RPN2: variants seen among roughly 807,000 people sequenced by gnomAD.
The protein encoded by RPN2 is ribophorin II.
In RPN2, 29 loss-of-function variants were observed where a neutral mutation model predicts 71.4. The ratio of observed to expected loss-of-function variants is 0.41; its 90% confidence interval spans 0.30 to 0.55. The LOEUF is 0.55. Ranked by LOEUF, RPN2 falls within the 20% of genes least tolerant of loss-of-function variation. RPN2 has a pLI of 0.35. For missense variants in RPN2, 726 were observed against 774.1 expected (o/e 0.94, Z 0.74); for synonymous variants, 308 against 305.0 (o/e 1.01, Z -0.10).
chr20:37,234,454 C>G (rs554758663), intron 15 of RPN2, among the ~76,000 whole-genome samples: 2 of 152,228 alleles, frequency 1.3e-5, no homozygotes, highest in Non-Finnish European at 2.9e-5. Flanking sequence ...TCTTTCCCCA[C>G]GCTATCGATC....
intron 2 of RPN2, 70 bp downstream of exon 2, chr20:37,184,443 G>A (rs2066961806): frequency 7.6e-7 from 1 of 1,307,412 alleles, no homozygotes; most frequent in Non-Finnish European, 1.1e-6. Context: ...ATATTCCTTT[G>A]GGGTAGTTCA....
At position 37,236,703 on chromosome 20, in the gene RPN2, T is replaced by G; in HGVS notation, c.1877T>G (p.Val626Gly). The change falls in exon 16 of 17, where the codon GTC (valine) becomes GGC (glycine). Residue 626 changes from valine (V) to glycine (G), a missense_variant. Coordinates refer to ENST00000237530, the MANE Select transcript of RPN2 (RefSeq NM_002951.5). ...AATCGGATGCTGGCCCAGCAGGCAGTCAAGAGGTAAGGCCAGACATGAGCC... is the reference window on the plus strand; with the variant it reads ...AATCGGATGCTGGCCCAGCAGGCAGGCAAGAGGTAAGGCCAGACATGAGCC... ...AGNRMLAQQA[V>G]KRTAH The G allele has an allele frequency of 6.2e-7, 1 of 1,614,082 alleles. No individual in the cohort carries two copies.
intron 8 of RPN2, 111 bp downstream of exon 8, chr20:37,210,276 G>A: frequency 1.9e-6 from 3 of 1,577,114 alleles, no homozygotes; most frequent in Middle Eastern, 1.7e-4. Context: ...TGATCTACTG[G>A]TATCGAAAGC....
chr20:37,223,026 G>T (rs1568991059), intron 9 of RPN2, among the ~76,000 whole-genome samples: 1 of 152,202 alleles, frequency 6.6e-6, no homozygotes. Context: ...TTCTTTAGGT[G>T]GTCAACTGGA....
chr20:37,213,698 G>A, intron 8 of RPN2, 62 bp from the exon 9 acceptor site: 1 of 1,290,544 alleles, frequency 7.7e-7, no homozygotes, highest in Non-Finnish European at 1.1e-6. Flanking sequence ...TGTAGCTCCT[G>A]TTTGTTATAT....
At chr20:37,229,861 G>T in intron 12 of RPN2, 112 bp from the exon 13 acceptor site, 1 of 830,106 alleles carries the variant, frequency 1.2e-6, no homozygotes. Flanking sequence ...GATTGGGACT[G>T]CCTGGAGCTT....
intron 9 of RPN2, among the ~76,000 whole-genome samples, chr20:37,215,556 C>T (rs1027320481): frequency 1.3e-5 from 2 of 151,954 alleles, no homozygotes; most frequent in Non-Finnish European, 2.9e-5. Context: ...CTTGAAACCT[C>T]TTCTTCCCTG....
chr20:37,230,159 A>G, intron 13 of RPN2, 100 bp downstream of exon 13: 5 of 956,360 alleles, frequency 5.2e-6, no homozygotes, highest in Non-Finnish European at 8.6e-6. Context: ...GTGATGTTTT[A>G]TAGTTTGATC....
At chr20:37,213,254 GTAACAAA>G (rs780511404) in intron 8 of RPN2, among the ~76,000 whole-genome samples, 1 of 152,182 alleles carries the variant, frequency 6.6e-6, no homozygotes, top group Non-Finnish European at 1.5e-5. Flanking sequence ...AGTGGTGGGA[GTAACAAA>G]GGAAAAGAAA....
At chr20:37,209,981 C>T in intron 7 of RPN2, 66 bp from the exon 8 acceptor site, 1 of 1,600,210 alleles carries the variant, frequency 6.2e-7, no homozygotes, top group African/African-American at 1.3e-5. Flanking sequence ...GATAAAGCAC[C>T]CCAGAAACAA....
At chr20:37,195,430 G>A (rs2067233986) in intron 2 of RPN2, among the ~76,000 whole-genome samples, 1 of 152,238 alleles carries the variant, frequency 6.6e-6, no homozygotes, top group African/African-American at 2.4e-5. Flanking sequence ...TTATAGCTCA[G>A]ACACCAGAGC....
chr20:37,232,473 G>A, intron 14 of RPN2, 82 bp downstream of exon 14: 1 of 1,527,534 alleles, frequency 6.5e-7, no homozygotes. Flanking sequence ...AGGCTGTGTT[G>A]TCTGGCCTCA....
intron 2 of RPN2, among the ~76,000 whole-genome samples, chr20:37,197,222 G>C (rs2067274863): frequency 6.6e-6 from 1 of 152,216 alleles, no homozygotes; most frequent in African/African-American, 2.4e-5. Context: ...TGCTGTGTCA[G>C]AAGTTGGATC....
intron 1 of RPN2, among the ~76,000 whole-genome samples, chr20:37,179,819 G>T (rs1007802251): frequency 5.3e-5 from 8 of 152,210 alleles, no homozygotes; most frequent in Non-Finnish European, 1.0e-4. Context: ...TTCTCTCTGG[G>T]AGCCTGGAGC....
At chr20:37,229,019 C>G (rs2068160758) in intron 12 of RPN2, among the ~76,000 whole-genome samples, 1 of 152,158 alleles carries the variant, frequency 6.6e-6, no homozygotes, top group Non-Finnish European at 1.5e-5. Flanking sequence ...AAACATTATA[C>G]AGGAAGGCCG....
chr20:37,190,562 C>T (rs150531780), intron 2 of RPN2, among the ~76,000 whole-genome samples: 4 of 152,138 alleles, frequency 2.6e-5, no homozygotes, highest in Admixed American at 2.0e-4. Flanking sequence ...TGTGGTAATA[C>T]GTAGTATTAC....
At chr20:37,201,014 C>T (rs113141207) in intron 4 of RPN2, among the ~76,000 whole-genome samples, 3,440 of 152,254 alleles carry the variant, frequency 0.023, 53 homozygotes, top group Middle Eastern at 0.034. Flanking sequence ...TATTTCATTC[C>T]TTGTGTCTGA....
At chr20:37,200,705 A>G (rs1434774946) in intron 4 of RPN2, among the ~76,000 whole-genome samples, 1 of 152,002 alleles carries the variant, frequency 6.6e-6, no homozygotes, top group Non-Finnish European at 1.5e-5. Flanking sequence ...TAGGGCTGAC[A>G]TTTTGTACAC....
In RPN2 at chr20:37,207,555, A is replaced by G. The variant is rs1369758088; in HGVS notation, c.867+106A>G. 4.7e-6 allele frequency: 5 copies of G among 1,072,772 alleles called. No individual in the cohort carries two copies. In the African/African-American group the frequency reaches 6.2e-5, roughly 13 times the overall value. 66.5% of individuals were successfully genotyped at this position (1,072,772 alleles called of 1,614,324 possible). A position where few individuals can be genotyped will look rare whatever the true frequency, so the allele number is the denominator to read the frequency against. On this transcript the variant is annotated intron_variant, in intron 7 of 16. Transcript: ENST00000237530. ...AGCCAATTACAGCCCCTACAAGGAC[A>G]TACCCATTAAATGGAGGGCAAGGCT...
Sources: gnomAD v4.1 joint callset for allele counts (sites outside exome capture counted in the v4.1 genomes callset) on GRCh38, gnomAD v4.1.1 for gene constraint, MANE v1.5 for transcripts, NCBI Gene and HGNC (gene_info 2026-07-23, HGNC 2026-07-21) for gene names.